The following DAB1 variants were observed in gnomAD, a reference collection of about 807,000 sequenced individuals.
DAB1 encodes the protein disabled homolog 1.
DAB1 carries 15 observed loss-of-function variants against 64.6 expected under a neutral mutation model. That is an observed-to-expected ratio of 0.23 (90% confidence interval 0.16 to 0.36). The LOEUF is 0.36. Ranked by LOEUF, DAB1 falls within the 10% of genes least tolerant of loss-of-function variation. The pLI is 1.00. For missense variants in DAB1, 596 were observed against 706.7 expected (o/e 0.84, Z 1.78); for synonymous variants, 235 against 251.9 (o/e 0.93, Z 0.64).
chr1:57,855,602 C>T (rs1653716540), intron 1 of DAB1, among the ~76,000 whole-genome samples: 1 of 152,090 alleles, frequency 6.6e-6, no homozygotes, highest in Admixed American at 6.6e-5. Context: ...ATACCAATAC[C>T]TGGGGGCAAA....
chr1:57,055,218 A>T (rs1649627980), intron 9 of DAB1, among the ~76,000 whole-genome samples: 1 of 152,180 alleles, frequency 6.6e-6, no homozygotes, highest in Admixed American at 6.5e-5. Flanking sequence ...AAAGCAGATG[A>T]AATGTATATT....
At chr1:58,175,270 A>T (rs1656404517) in intron 4 of DAB1, among the ~76,000 whole-genome samples, 1 of 152,312 alleles carries the variant, frequency 6.6e-6, no homozygotes, top group East Asian at 1.9e-4. Context: ...TGCAACACTC[A>T]CTGCGAAGGT....
At chr1:57,518,203 A>G (rs1327712041) in intron 7 of DAB1, among the ~76,000 whole-genome samples, 1 of 152,102 alleles carries the variant, frequency 6.6e-6, no homozygotes, top group Non-Finnish European at 1.5e-5. Flanking sequence ...CATCATCATC[A>G]TCATCATCAT....
rs1303888669 is a variant in DAB1, at chr1:57,062,868, G to T, written c.723+16C>A. On this transcript the variant is annotated intron_variant, in intron 9 of 14. Coordinates refer to ENST00000371236, the MANE Select transcript of DAB1 (RefSeq NM_001365792.1). Reference sequence around the variant, plus strand: ...CAGGTCACGGAAACCTGGCAGTGGAGAGGAGATGTACTTACACTTACAGGT... The same window carrying T: ...CAGGTCACGGAAACCTGGCAGTGGATAGGAGATGTACTTACACTTACAGGT... The T allele has an allele frequency of 1.2e-6, 2 of 1,609,656 alleles. No homozygotes were observed. Among genetic ancestry groups the T allele is most frequent in the Non-Finnish European group, 8.5e-7 (1 of 1,175,968 alleles).
Position 57,260,532 on chromosome 1 carries a change from T to C in DAB1, c.67+30432A>G, listed in dbSNP as rs1670102007. ...GAGTCAATTTGAATTCAAAGCCTGG[T>C]ACCTTAACCCCTGAGAACTAGACTG... On this transcript the variant is annotated intron_variant, in intron 2 of 14. Transcript: ENST00000371236. Among the ~76,000 whole-genome samples, 3 of 152,162 alleles carry C rather than the reference T, an allele frequency of 2.0e-5. No homozygotes were observed. The South Asian group carries it at 6.2e-4, about 32-fold the overall frequency.
intron 7 of DAB1, among the ~76,000 whole-genome samples, chr1:57,565,307 C>T (rs1451830342): frequency 6.6e-6 from 1 of 152,274 alleles, no homozygotes; most frequent in East Asian, 1.9e-4. Flanking sequence ...AGGTACCAGC[C>T]ACTGCAAAAA....
intron 4 of DAB1, among the ~76,000 whole-genome samples, chr1:58,328,058 C>T (rs550992122): frequency 6.6e-6 from 1 of 152,124 alleles, no homozygotes; most frequent in African/African-American, 2.4e-5. Context: ...GCAGTTCAGC[C>T]CTGATGGTCA....
intron 3 of DAB1, among the ~76,000 whole-genome samples, chr1:58,346,942 G>A (rs1462900301): frequency 6.6e-6 from 1 of 152,174 alleles, no homozygotes; most frequent in Non-Finnish European, 1.5e-5. Context: ...TCTATTAGCT[G>A]TTTGACTTTG....
chr1:58,116,301 C>A (rs118148157), intron 5 of DAB1, among the ~76,000 whole-genome samples: 1 of 152,278 alleles, frequency 6.6e-6, no homozygotes, highest in East Asian at 1.9e-4. Flanking sequence ...TAAACCAATG[C>A]TAACAACTGC....
chr1:58,269,261 C>G (rs1295343711), intron 4 of DAB1, among the ~76,000 whole-genome samples: 5 of 150,898 alleles, frequency 3.3e-5, no homozygotes, highest in South Asian at 2.1e-4. Context: ...GAGAATATGC[C>G]CTGTTTGGTT....
In DAB1 at chr1:57,053,105, C is replaced by T. The variant is rs559451596; in HGVS notation, c.723+9779G>A. 7.9e-5 allele frequency among the ~76,000 whole-genome samples: 12 copies of T among 152,268 alleles called. No individual in the cohort carries two copies. In the East Asian group the frequency reaches 1.5e-3, roughly 20 times the overall value. On this transcript the variant is annotated intron_variant, in intron 9 of 14. Coordinates refer to ENST00000371236, the MANE Select transcript of DAB1 (RefSeq NM_001365792.1). ...CCCTGAGATGTCAGTAGCGGATGGC[C>T]GCTATTCCCATTTTGCAGATAAGGA...
intron 5 of DAB1, among the ~76,000 whole-genome samples, chr1:57,997,910 C>G (rs1050207471): frequency 1.3e-5 from 2 of 151,984 alleles, no homozygotes; most frequent in South Asian, 4.2e-4. Flanking sequence ...TATGCAGTTT[C>G]TCCCCTCAAG....
intron 4 of DAB1, among the ~76,000 whole-genome samples, chr1:57,096,483 C>G (rs1307843930): frequency 2.0e-5 from 3 of 152,170 alleles, no homozygotes. Context: ...CCAGCCACAT[C>G]TGACATACAA....
intron 7 of DAB1, among the ~76,000 whole-genome samples, chr1:57,581,257 C>A (rs1231312757): frequency 6.6e-6 from 1 of 152,194 alleles, no homozygotes; most frequent in African/African-American, 2.4e-5. Context: ...AATAGAATGA[C>A]ATATTTTTAG....
At position 57,090,534 on chromosome 1, in the gene DAB1, C is replaced by T. The variant is rs180760698; in HGVS notation, c.307-18120G>A. On this transcript the variant is annotated intron_variant, in intron 4 of 14. Transcript: ENST00000371236. ...TTCTTATAGGTTCAAATTTAATTCTCATTACAAGCCAGTGAGAAAGGTTTA... is the reference window on the plus strand; with the variant it reads ...TTCTTATAGGTTCAAATTTAATTCTTATTACAAGCCAGTGAGAAAGGTTTA... 1.1e-3 allele frequency among the ~76,000 whole-genome samples: 165 copies of T among 152,232 alleles called. 2 individuals carry two copies. Among genetic ancestry groups the T allele is most frequent in the Non-Finnish European group, 7.4e-5 (5 of 68,014 alleles).
At chr1:58,045,333 G>T (rs964702749) in intron 5 of DAB1, among the ~76,000 whole-genome samples, 4 of 152,188 alleles carry the variant, frequency 2.6e-5, no homozygotes, top group African/African-American at 9.6e-5. Context: ...GAGGGGGTAA[G>T]GGCTAATGGA....
At chr1:57,385,412 T>A (rs2100983454) in intron 1 of DAB1, among the ~76,000 whole-genome samples, 1 of 152,314 alleles carries the variant, frequency 6.6e-6, no homozygotes, top group Non-Finnish European at 1.5e-5. Flanking sequence ...ATGTAGTCTT[T>A]CTGTGTGGTT....
chr1:58,161,043 G>A (rs1171606657), intron 4 of DAB1, among the ~76,000 whole-genome samples: 1 of 152,090 alleles, frequency 6.6e-6, no homozygotes, highest in Non-Finnish European at 1.5e-5. Context: ...AGGGTCCATT[G>A]CCCATCTAGA....
chr1:58,019,681 C>G (rs573565102), intron 5 of DAB1, among the ~76,000 whole-genome samples: 196 of 152,184 alleles, frequency 1.3e-3, no homozygotes, highest in Admixed American at 2.4e-3. Context: ...CAATTTGAAC[C>G]CAGGTCTGTC....
Sources: gnomAD v4.1 joint callset for allele counts (sites outside exome capture counted in the v4.1 genomes callset) on GRCh38, gnomAD v4.1.1 for gene constraint, MANE v1.5 for transcripts, NCBI Gene and HGNC (gene_info 2026-07-23, HGNC 2026-07-21) for gene names.